The following PRTFDC1 variants were observed in gnomAD, a reference collection of about 807,000 sequenced individuals.
PRTFDC1 encodes the protein phosphoribosyltransferase domain-containing protein 1.
Under a neutral mutation model 34.6 loss-of-function variants are expected in PRTFDC1, and 38 were observed. The observed-to-expected ratio is 1.10, with a 90% confidence interval of 0.85 to 1.44. PRTFDC1 has a LOEUF of 1.44. PRTFDC1 is among the 40% of genes most tolerant of loss of function. PRTFDC1 has a pLI of 0.00. For missense variants in PRTFDC1, 270 were observed against 283.0 expected (o/e 0.95, Z 0.33); for synonymous variants, 93 against 98.1 (o/e 0.95, Z 0.31).
chr10:24,893,717 T>C (rs1317521383), intron 3 of PRTFDC1, among the ~76,000 whole-genome samples: 3 of 152,152 alleles, frequency 2.0e-5, no homozygotes, highest in Admixed American at 6.5e-5. Flanking sequence ...ACTTACTTGA[T>C]CTCATTTTCT....
intron 3 of PRTFDC1, among the ~76,000 whole-genome samples, chr10:24,915,403 T>G (rs1350288281): frequency 6.6e-6 from 1 of 152,180 alleles, no homozygotes; most frequent in African/African-American, 2.4e-5. Context: ...AAATCAGAGC[T>G]TCTTATGTTC....
At chr10:24,928,324 C>A (rs1300802293) in intron 3 of PRTFDC1, among the ~76,000 whole-genome samples, 2 of 152,118 alleles carry the variant, frequency 1.3e-5, no homozygotes, top group African/African-American at 4.8e-5. Context: ...GGCACCCCCC[C>A]ACAACTGAGG....
At chr10:24,931,235 A>G (rs1424406556) in intron 3 of PRTFDC1, among the ~76,000 whole-genome samples, 4 of 152,166 alleles carry the variant, frequency 2.6e-5, no homozygotes, top group Non-Finnish European at 5.9e-5. Context: ...CAGCTAAAGA[A>G]GTACTTAAAG....
intron 3 of PRTFDC1, among the ~76,000 whole-genome samples, chr10:24,879,189 C>G (rs1304919467): frequency 6.6e-6 from 1 of 152,050 alleles, no homozygotes; most frequent in East Asian, 1.9e-4. Context: ...TTTCCAATCA[C>G]TCGTTGATGT....
intron 3 of PRTFDC1, among the ~76,000 whole-genome samples, chr10:24,899,541 T>C (rs1005555410): frequency 1.3e-5 from 2 of 152,078 alleles, no homozygotes; most frequent in Non-Finnish European, 2.9e-5. Context: ...GGGGTGGGAA[T>C]TGATTTTGGG....
intron 5 of PRTFDC1, among the ~76,000 whole-genome samples, chr10:24,857,431 G>A (rs1847598733): frequency 6.6e-6 from 1 of 152,170 alleles, no homozygotes; most frequent in Non-Finnish European, 1.5e-5. Context: ...ACTCAATGGG[G>A]GATTCTATGG....
At chr10:24,924,133 C>G (rs769478478) in intron 3 of PRTFDC1, among the ~76,000 whole-genome samples, 12 of 152,152 alleles carry the variant, frequency 7.9e-5, no homozygotes, top group Non-Finnish European at 1.5e-4. Context: ...AACACAGTCT[C>G]CAAGAAATAT....
intron 3 of PRTFDC1, among the ~76,000 whole-genome samples, chr10:24,893,790 C>A (rs74389407): frequency 0.093 from 14,195 of 152,186 alleles, 730 homozygotes; most frequent in Middle Eastern, 0.19. Flanking sequence ...TTGGCAGAGC[C>A]TGAATGTGAA....
At position 24,849,875 on chromosome 10, in the gene PRTFDC1, T is replaced by C. The variant is rs747735071; in HGVS notation, c.647A>G (p.Asn216Ser). ...TCGATATTTTTCTTTACCGTGCTCA[T>C]TGATGACGCATATGTGCTGAAACAA... Reference protein sequence around the residue: ...FRDLNHICVINEHGKEKYRV With the variant: ...FRDLNHICVISEHGKEKYRV Residue 216 changes from asparagine (N) to serine (S), a missense_variant, in exon 9 of 9, where the codon AAT (asparagine) becomes AGT (serine). Physicochemically the swap from Asn to Ser is conservative, Grantham distance 46. Transcript: ENST00000320152. 2.5e-6 allele frequency: 4 copies of C among 1,614,024 alleles called. No individual in the cohort carries two copies. The highest frequency in any genetic ancestry group is 1.7e-5 in the Admixed American group (1 of 60,020).
chr10:24,913,460 A>C (rs941856201), intron 3 of PRTFDC1, among the ~76,000 whole-genome samples: 1 of 152,222 alleles, frequency 6.6e-6, no homozygotes, highest in Admixed American at 6.5e-5. Flanking sequence ...TGTAATTCCT[A>C]ACACTGTAAC....
chr10:24,881,170 C>T (rs960901944), intron 3 of PRTFDC1, among the ~76,000 whole-genome samples: 5 of 151,636 alleles, frequency 3.3e-5, no homozygotes, highest in Admixed American at 6.6e-5. Context: ...TGGCCTCAAG[C>T]GATCTCCCAC....
chr10:24,878,610 A>C (rs1848010415), intron 3 of PRTFDC1, among the ~76,000 whole-genome samples: 1 of 152,162 alleles, frequency 6.6e-6, no homozygotes, highest in South Asian at 2.1e-4. Context: ...ACCATTTTGG[A>C]AATATTAGGT....
chr10:24,922,057 C>G (rs1056669484), intron 3 of PRTFDC1, among the ~76,000 whole-genome samples: 8 of 152,108 alleles, frequency 5.3e-5, no homozygotes, highest in African/African-American at 1.9e-4. Flanking sequence ...GTTGCTTTTT[C>G]CCACCAAATC....
chr10:24,904,298 A>T (rs1848497786), intron 3 of PRTFDC1, among the ~76,000 whole-genome samples: 1 of 151,026 alleles, frequency 6.6e-6, no homozygotes, highest in Non-Finnish European at 1.5e-5. Flanking sequence ...ACACACAAGG[A>T]ATCTCAGACT....
chr10:24,892,690 AT>A (rs1265745853), intron 3 of PRTFDC1, among the ~76,000 whole-genome samples: 1 of 152,064 alleles, frequency 6.6e-6, no homozygotes, highest in Non-Finnish European at 1.5e-5. Flanking sequence ...TTAGTAACAA[AT>A]TGTGCGTATG....
chr10:24,932,709 C>T (rs1848989586), intron 3 of PRTFDC1, among the ~76,000 whole-genome samples: 1 of 151,960 alleles, frequency 6.6e-6, no homozygotes, highest in South Asian at 2.1e-4. Flanking sequence ...TCAATTCCCC[C>T]CAAATTGATC....
At position 24,937,200 on chromosome 10, in the gene PRTFDC1, C is replaced by T. The variant is rs1849065242; in HGVS notation, c.323G>A (p.Arg108Lys). The T allele has an allele frequency of 6.2e-7, 1 of 1,612,446 alleles. No individual in the cohort carries two copies. The highest frequency in any genetic ancestry group is 1.3e-5 in the African/African-American group (1 of 74,958). Reference protein sequence around the residue: ...RFVSMKVDFIRLKSYRNDQSM... With the variant: ...RFVSMKVDFIKLKSYRNDQSM... ...ATAACTTACCCTGTAACTTTTTAGT[C>T]TGATGAAATCAACCTTCATTGAGAC... Residue 108 changes from arginine to lysine, a missense_variant, in exon 3 of 9, where the codon AGA becomes AAA. Physicochemically the swap from Arg to Lys is conservative, Grantham distance 26. Transcript: ENST00000320152.
At chr10:24,950,599 G>C (rs1849324653) in intron 1 of PRTFDC1, among the ~76,000 whole-genome samples, 1 of 152,026 alleles carries the variant, frequency 6.6e-6, no homozygotes, top group African/African-American at 2.4e-5. Flanking sequence ...CCGACTTGCT[G>C]TCCCTGTAAC....
chr10:24,886,748 A>G (rs894598375), intron 3 of PRTFDC1, among the ~76,000 whole-genome samples: 1 of 152,030 alleles, frequency 6.6e-6, no homozygotes, highest in Admixed American at 6.6e-5. Flanking sequence ...AGTAACTGGG[A>G]TTGCAGGTGC....
Sources: gnomAD v4.1 joint callset for allele counts (sites outside exome capture counted in the v4.1 genomes callset) on GRCh38, gnomAD v4.1.1 for gene constraint, MANE v1.5 for transcripts, NCBI Gene and HGNC (gene_info 2026-07-23, HGNC 2026-07-21) for gene names.